CDH18: variants seen among roughly 807,000 people sequenced by gnomAD.
CDH18 encodes cadherin 18, also known as cadherin-18.
A neutral mutation model predicts 67.9 loss-of-function variants in CDH18; 31 were observed. The ratio of observed to expected loss-of-function variants is 0.46; its 90% CI spans 0.34 to 0.62. CDH18 has a LOEUF of 0.62. Ranked by LOEUF, CDH18 falls within the 20% of genes least tolerant of loss-of-function variation. CDH18 has a pLI of 0.01. For synonymous variants in CDH18, 362 were observed against 347.2 expected, an observed-to-expected ratio of 1.04 and a Z score of -0.48; for missense variants, 890 against 975.5, an observed-to-expected ratio of 0.91 and a Z score of 1.17.
chr5:19,638,054 G>A (rs1753419919), intron 5 of CDH18, among the ~76,000 whole-genome samples: 1 of 152,226 alleles, frequency 6.6e-6, no homozygotes, highest in South Asian at 2.1e-4. Context: ...TAAGCCAGGT[G>A]TTTGTGAATA....
chr5:19,985,094 C>G (rs1799426443), intron 1 of CDH18, among the ~76,000 whole-genome samples: 1 of 152,082 alleles, frequency 6.6e-6, no homozygotes, highest in African/African-American at 2.4e-5. Flanking sequence ...TCAACCTCAA[C>G]ATTTATACTA....
At chr5:19,818,651 C>T (rs193239465) in intron 3 of CDH18, among the ~76,000 whole-genome samples, 100 of 152,202 alleles carry the variant, frequency 6.6e-4, no homozygotes, top group Admixed American at 2.4e-3. Flanking sequence ...GGCACACAGG[C>T]TATATGGTGC....
intron 1 of CDH18, among the ~76,000 whole-genome samples, chr5:20,481,155 T>C (rs12522218): frequency 0.69 from 103,358 of 150,388 alleles, 36,119 homozygotes; most frequent in Non-Finnish European, 0.76. Context: ...AGATATTCCA[T>C]GCAAATGAAA....
chr5:20,123,889 A>G (rs1338693624), intron 2 of CDH18, among the ~76,000 whole-genome samples: 2 of 148,400 alleles, frequency 1.3e-5, no homozygotes, highest in African/African-American at 4.9e-5. Context: ...TCCGTCTCAA[A>G]AAAAAAAAAA....
chr5:19,762,154 G>T (rs1012686745), intron 3 of CDH18, among the ~76,000 whole-genome samples: 1 of 152,076 alleles, frequency 6.6e-6, no homozygotes. Flanking sequence ...AGAAACCCTA[G>T]GCAATACCAT....
At chr5:20,078,584 GT>G (rs199625853) in intron 2 of CDH18, among the ~76,000 whole-genome samples, 123 of 151,662 alleles carry the variant, frequency 8.1e-4, no homozygotes, top group African/African-American at 2.9e-3. Context: ...CTGACATTTT[GT>G]TTTTTTTGGT....
chr5:20,048,076 A>G (rs2150484925), intron 2 of CDH18, among the ~76,000 whole-genome samples: 1 of 151,690 alleles, frequency 6.6e-6, no homozygotes, highest in Non-Finnish European at 1.5e-5. Context: ...CCTGTTTTTC[A>G]GTCATTGTTG....
chr5:20,493,091 G>A (rs2471129), intron 1 of CDH18, among the ~76,000 whole-genome samples: 69,977 of 151,728 alleles, frequency 0.46, 16,451 homozygotes, highest in East Asian at 0.55. Context: ...GCTCATGCCT[G>A]TAATCCCAGC....
At chr5:19,486,199 A>T (rs1740375295) in intron 11 of CDH18, among the ~76,000 whole-genome samples, 1 of 152,056 alleles carries the variant, frequency 6.6e-6, no homozygotes, top group African/African-American at 2.4e-5. Context: ...CCGGAACAGT[A>T]CAAAATGTAC....
intron 1 of CDH18, among the ~76,000 whole-genome samples, chr5:20,423,972 A>AG (rs70954655): frequency 8.2e-5 from 12 of 145,626 alleles, no homozygotes; most frequent in Non-Finnish European, 1.6e-4. Flanking sequence ...AAAAAAAAAA[A>AG]TTGTCCTAGA....
At chr5:20,370,192 T>G (rs1271882494) in intron 1 of CDH18, among the ~76,000 whole-genome samples, 1 of 152,090 alleles carries the variant, frequency 6.6e-6, no homozygotes, top group Non-Finnish European at 1.5e-5. Context: ...ATCATTACTA[T>G]CCTTATCACC....
At chr5:19,793,416 T>A (rs965359858) in intron 3 of CDH18, among the ~76,000 whole-genome samples, 1 of 152,130 alleles carries the variant, frequency 6.6e-6, no homozygotes, top group Non-Finnish European at 1.5e-5. Context: ...TGGAACTGCA[T>A]CAGAAGCAAA....
At chr5:19,958,378 C>T (rs1028025612) in intron 2 of CDH18, among the ~76,000 whole-genome samples, 7 of 38,354 alleles carry the variant, frequency 1.8e-4, no homozygotes, top group African/African-American at 5.0e-4. Context: ...CTTTCCTTCA[C>T]CAAAAAAAAA....
chr5:19,490,555 C>T (rs950462425), intron 11 of CDH18, among the ~76,000 whole-genome samples: 1 of 151,616 alleles, frequency 6.6e-6, no homozygotes, highest in Non-Finnish European at 1.5e-5. Context: ...GCTGGGACTA[C>T]AGGCGTGCAC....
intron 2 of CDH18, among the ~76,000 whole-genome samples, chr5:19,942,417 C>A (rs1473780226): frequency 6.6e-6 from 1 of 152,194 alleles, no homozygotes; most frequent in African/African-American, 2.4e-5. Context: ...AGAAGTGTCT[C>A]TTTGATTCTC....
chr5:20,118,865 A>C (rs955548014), intron 2 of CDH18, among the ~76,000 whole-genome samples: 1 of 152,292 alleles, frequency 6.6e-6, no homozygotes, highest in South Asian at 2.1e-4. Context: ...CAGGCTCGTA[A>C]GTGCACTGTC....
chr5:19,972,092 T>C (rs1216835594), intron 2 of CDH18, among the ~76,000 whole-genome samples: 1 of 152,090 alleles, frequency 6.6e-6, no homozygotes, highest in Non-Finnish European at 1.5e-5. Context: ...GATATTCTTT[T>C]GGTGGTGGCA....
chr5:19,754,757 T>C (rs925958269), intron 3 of CDH18, among the ~76,000 whole-genome samples: 1 of 152,162 alleles, frequency 6.6e-6, no homozygotes, highest in Non-Finnish European at 1.5e-5. Context: ...GACCATATGA[T>C]AGGCCACAAA....
At chr5:19,652,940 ATCT>A (rs911024326) in intron 5 of CDH18, among the ~76,000 whole-genome samples, 4 of 152,134 alleles carry the variant, frequency 2.6e-5, no homozygotes, top group African/African-American at 9.7e-5. Flanking sequence ...GGGTAAAAAA[ATCT>A]TTGCAGGTTT....
Sources: gnomAD v4.1 joint callset for allele counts (sites outside exome capture counted in the v4.1 genomes callset) on GRCh38, gnomAD v4.1.1 for gene constraint, MANE v1.5 for transcripts, NCBI Gene and HGNC (gene_info 2026-07-23, HGNC 2026-07-21) for gene names.